Variants in SLC5A12 observed in about 807,000 individuals in gnomAD.
SLC5A12 encodes the protein sodium-coupled monocarboxylate transporter 2.
A neutral mutation model predicts 72.7 loss-of-function variants in SLC5A12; 46 were observed. The ratio of observed to expected loss-of-function variants is 0.63; its 90% confidence interval spans 0.50 to 0.81. The LOEUF (loss-of-function observed/expected upper bound fraction) is 0.81, where lower values mean the gene tolerates loss of function less well. Among genes scored for constraint, SLC5A12 ranks in the 30% least tolerant of loss-of-function variants. The pLI is 0.00. For synonymous variants in SLC5A12, 275 were observed against 264.4 expected, an observed-to-expected ratio of 1.04 and a Z score of -0.39; for missense variants, 683 against 740.7, an observed-to-expected ratio of 0.92 and a Z score of 0.90.
intron 13 of SLC5A12, among the ~76,000 whole-genome samples, chr11:26,676,325 A>G (rs1854264007): frequency 6.6e-6 from 1 of 151,992 alleles, no homozygotes; most frequent in Admixed American, 6.6e-5. Flanking sequence ...CATAGTTAAA[A>G]GCAAATAAAT....
At position 26,709,298 on chromosome 11, in the gene SLC5A12, A is replaced by C. The variant is rs374698914; in HGVS notation, c.525+14T>G. On this transcript the variant is annotated intron_variant, in intron 4 of 14. Coordinates refer to ENST00000396005, the MANE Select transcript of SLC5A12 (RefSeq NM_178498.4). ...GAGGTAGTGTTAAATACTTCTTCAC[A>C]GCTAGATACATACCAGGGTACAGTA... is the stretch of plus-strand genomic sequence containing the variant. 1.4e-5 allele frequency: 23 copies of C among 1,599,644 alleles called. No homozygotes were observed. The African/African-American group carries it at 2.9e-4, about 21-fold the overall frequency.
intron 3 of SLC5A12, among the ~76,000 whole-genome samples, chr11:26,710,497 C>A (rs1855198289): frequency 6.6e-6 from 1 of 152,056 alleles, no homozygotes; most frequent in South Asian, 2.1e-4. Context: ...TCCACATCCT[C>A]TCCAGCATCT....
At chr11:26,711,195 T>A (rs1855218656) in intron 3 of SLC5A12, 112 bp downstream of exon 3, 1 of 833,480 alleles carries the variant, frequency 1.2e-6, no homozygotes, top group South Asian at 1.5e-5. Flanking sequence ...TAATTCAGAA[T>A]CCTCTAACCA....
At chr11:26,719,376 C>T (rs868236078) in intron 1 of SLC5A12, among the ~76,000 whole-genome samples, 1 of 152,152 alleles carries the variant, frequency 6.6e-6, no homozygotes, top group Non-Finnish European at 1.5e-5. Flanking sequence ...CACTGAAAGA[C>T]ATCTGATGTC....
At position 26,667,961 on chromosome 11, in the gene SLC5A12, T is replaced by A. The variant is rs1854037739; in HGVS notation, c.*3141A>T. 1 of 152,108 alleles carries A rather than the reference T, an allele frequency of 6.6e-6. No homozygotes were observed. Among genetic ancestry groups the A allele is most frequent in the Non-Finnish European group, 1.5e-5 (1 of 67,994 alleles). 9.4% of individuals were successfully genotyped at this position (152,108 alleles called of 1,614,324 possible). ...TTCTTCATATACTGCAGACCAAGTA[T>A]TAAATGTTCCATGTGGGCCAGTCAC... On this transcript the variant is annotated 3_prime_UTR_variant, in exon 15 of 15. Coordinates refer to ENST00000396005, the MANE Select transcript of SLC5A12 (RefSeq NM_178498.4).
chr11:26,713,124 A>G (rs374505463), intron 1 of SLC5A12, among the ~76,000 whole-genome samples: 17 of 152,168 alleles, frequency 1.1e-4, no homozygotes, highest in African/African-American at 4.1e-4. Flanking sequence ...GTGCCCACTC[A>G]TCCTATCAAC....
At chr11:26,672,050 T>C (rs1222498878) in intron 14 of SLC5A12, among the ~76,000 whole-genome samples, 1 of 152,156 alleles carries the variant, frequency 6.6e-6, no homozygotes, top group Non-Finnish European at 1.5e-5. Flanking sequence ...TTTCCAATTT[T>C]AAATTCTCAC....
intron 9 of SLC5A12, among the ~76,000 whole-genome samples, chr11:26,691,378 T>C (rs1470731150): frequency 6.6e-6 from 1 of 152,168 alleles, no homozygotes; most frequent in East Asian, 1.9e-4. Context: ...TATCAATGAA[T>C]TTGTATTATT....
Position 26,669,598 on chromosome 11 carries a change from C to T in SLC5A12, c.*1504G>A, listed in dbSNP as rs1854092993. 6.6e-6 allele frequency: 1 copy of T among 151,870 alleles called. No individual in the cohort carries two copies. Among genetic ancestry groups the T allele is most frequent in the South Asian group, 2.1e-4 (1 of 4,828 alleles). The allele number at this position is 151,870 out of a possible 1,614,324, so 9.4% of individuals were successfully genotyped here. On this transcript the variant is annotated 3_prime_UTR_variant, in exon 15 of 15. Coordinates refer to ENST00000396005, the MANE Select transcript of SLC5A12 (RefSeq NM_178498.4). Reference sequence around the variant, plus strand: ...TCTATTTGAGTGGAGGGAGAGAAGGCAAGGATTGGGCTCTGTTTTATAAAC... The same window carrying T: ...TCTATTTGAGTGGAGGGAGAGAAGGTAAGGATTGGGCTCTGTTTTATAAAC...
chr11:26,699,481 C>A (rs555215647), intron 6 of SLC5A12, among the ~76,000 whole-genome samples: 2 of 152,246 alleles, frequency 1.3e-5, no homozygotes, highest in South Asian at 4.1e-4. Flanking sequence ...AGATAATTAT[C>A]CCATTTAGAG....
Position 26,703,885 on chromosome 11 carries a change from G to A in SLC5A12, c.588C>T (p.Phe196=). The change falls in exon 5 of 15, where the codon TTC becomes TTT. Residue 196 remains phenylalanine, a synonymous_variant. Transcript: ENST00000396005. ...TTGATCCTTGAATGAGAACCGTTAA[G>A]AAGCCCACAATCATGACAACCATCT... The part of the protein sequence containing the change: ...AFQMVVMIVG[F]LTVLIQGSTH... 1 of 1,613,920 alleles carries A rather than the reference G, an allele frequency of 6.2e-7. No homozygotes were observed. Among genetic ancestry groups the A allele is most frequent in the South Asian group, 1.1e-5 (1 of 91,080 alleles).
intron 6 of SLC5A12, among the ~76,000 whole-genome samples, chr11:26,698,955 G>A (rs1204979845): frequency 6.6e-6 from 1 of 152,090 alleles, no homozygotes; most frequent in African/African-American, 2.4e-5. Flanking sequence ...GAGATAATGA[G>A]CTAACACAGA....
rs1258223187 is a variant in SLC5A12, at chr11:26,686,855, C to G, written c.1154-311G>C. ...AACAACATGAAAATGTGGGAGAGGT[C>G]CAGACTAATCTAGACAAAATTAGTG... is the stretch of plus-strand genomic sequence containing the variant. On this transcript the variant is annotated intron_variant, in intron 9 of 14. Coordinates refer to ENST00000396005, the MANE Select transcript of SLC5A12 (RefSeq NM_178498.4). Among the ~76,000 whole-genome samples, 4 of 152,136 alleles carry G rather than the reference C, an allele frequency of 2.6e-5. No individual in the cohort carries two copies. In the East Asian group the frequency reaches 7.7e-4, roughly 29 times the overall value.
At chr11:26,672,930 G>A (rs576188231) in intron 14 of SLC5A12, among the ~76,000 whole-genome samples, 1 of 152,164 alleles carries the variant, frequency 6.6e-6, no homozygotes, top group East Asian at 1.9e-4. Context: ...ATGTTGCTCT[G>A]TATAATACCC....
intron 1 of SLC5A12, among the ~76,000 whole-genome samples, chr11:26,713,874 C>G (rs143624961): frequency 6.5e-4 from 99 of 152,264 alleles, no homozygotes; most frequent in Middle Eastern, 3.4e-3. Context: ...CAGCTTCCTG[C>G]CTTCCTGCTG....
intron 4 of SLC5A12, chr11:26,709,086 G>T: frequency 2.7e-6 from 1 of 376,754 alleles, no homozygotes. Context: ...TATTAGGCAT[G>T]ATTTTCTTGA....
intron 6 of SLC5A12, 140 bp from the exon 7 acceptor site, chr11:26,698,675 C>T (rs1316873666): frequency 1.5e-6 from 1 of 664,022 alleles, no homozygotes; most frequent in Non-Finnish European, 2.3e-6. Flanking sequence ...AGAATCACTA[C>T]ACTTTATACT....
At chr11:26,697,052 T>A (rs947798946) in intron 8 of SLC5A12, 112 bp downstream of exon 8, 46 of 855,468 alleles carry the variant, frequency 5.4e-5, no homozygotes, top group Non-Finnish European at 7.6e-5. Context: ...AATAACACAT[T>A]CAGAAGGTCA....
intron 10 of SLC5A12, among the ~76,000 whole-genome samples, chr11:26,684,615 G>A (rs976351508): frequency 1.3e-5 from 2 of 151,944 alleles, no homozygotes; most frequent in Non-Finnish European, 2.9e-5. Context: ...AATCAAGAAG[G>A]TGGGCCCAGG....
Sources: gnomAD v4.1 joint callset for allele counts (sites outside exome capture counted in the v4.1 genomes callset) on GRCh38, gnomAD v4.1.1 for gene constraint, MANE v1.5 for transcripts, NCBI Gene and HGNC (gene_info 2026-07-23, HGNC 2026-07-21) for gene names.